The following FBXO38 variants were observed in gnomAD, a reference collection of about 807,000 sequenced individuals.
FBXO38 encodes F-box only protein 38.
A neutral mutation model predicts 131.9 loss-of-function variants in FBXO38; 53 were observed. The observed-to-expected ratio is 0.40, with a 90% CI of 0.32 to 0.51. FBXO38 has a LOEUF of 0.51. Among genes scored for constraint, FBXO38 ranks in the 20% least tolerant of loss-of-function variants. FBXO38 has a pLI of 0.53. For missense variants in FBXO38, 1,076 were observed against 1,475.6 expected, an observed-to-expected ratio of 0.73 and a Z score of 4.44; for synonymous variants, 452 against 505.6, an observed-to-expected ratio of 0.89 and a Z score of 1.42.
In FBXO38 at chr5:148,399,441, T is replaced by G. The variant is rs188947176; in HGVS notation, c.262+309T>G. On this transcript the variant is annotated intron_variant, in intron 3 of 21. Coordinates refer to ENST00000340253, the MANE Select transcript of FBXO38 (RefSeq NM_205836.3). Reference sequence around the variant, plus strand: ...AGTATATGTGTATCACATTAGACACTGTGTGTCCTTTACTGTCTGATGCAT... The same window carrying G: ...AGTATATGTGTATCACATTAGACACGGTGTGTCCTTTACTGTCTGATGCAT... 2.2e-4 allele frequency: 52 copies of G among 240,110 alleles called. No individual in the cohort carries two copies. The East Asian group carries it at 4.7e-3, about 22-fold the overall frequency. The allele number at this position is 240,110 out of a possible 1,614,324, so 14.9% of individuals were successfully genotyped here.
chr5:148,413,096 T>G (rs1478697941), intron 9 of FBXO38: 2 of 152,126 alleles, frequency 1.3e-5, no homozygotes, highest in Non-Finnish European at 1.5e-5. Context: ...TCTGAAGTCC[T>G]AAGAGCAGGG....
chr5:148,427,767 T>A lies in FBXO38; in HGVS notation c.2473T>A (p.Ser825Thr). The change falls in exon 15 of 22, where the codon TCT (serine) becomes ACT (threonine). Residue 825 changes from serine to threonine, a missense_variant. Physicochemically the swap from Ser to Thr is moderately conservative, Grantham distance 58. Coordinates refer to ENST00000340253, the MANE Select transcript of FBXO38 (RefSeq NM_205836.3). ...FSFRTLPQGG[S>T]SGPAHDERTN... ...CTTTAGGACTCTGCCACAAGGGGGG[T>A]CTTCAGGCCCAGCACATGATGAGAG... 2 of 1,610,202 alleles carry A rather than the reference T, an allele frequency of 1.2e-6. No individual in the cohort carries two copies.
Position 148,404,789 on chromosome 5 carries a change from A to G in FBXO38, c.697A>G (p.Ser233Gly), listed in dbSNP as rs1376854555. The change falls in exon 6 of 22, where the codon AGC becomes GGC. Residue 233 changes from serine to glycine, a missense_variant. By Grantham distance (56) the Ser-to-Gly change is moderately conservative. Transcript: ENST00000340253. ...PQPFKDFLCI[S>G]LRTFVMRNCA... ...GCCATTTAAAGACTTCCTTTGTATC[A>G]GCTTAAGAACTTTCGTCATGAGGAA... is the stretch of plus-strand genomic sequence containing the variant. The G allele has an allele frequency of 6.2e-7, 1 of 1,608,120 alleles. No individual in the cohort carries two copies. The highest frequency in any genetic ancestry group is 1.1e-5 in the South Asian group (1 of 89,470).
chr5:148,440,993 G>T lies in FBXO38; in HGVS notation c.3275-131G>T, dbSNP rs1397795706. ...ACAGAAATTACAAATTAGTTTGATA[G>T]CTGGAAATGATTTGAGGACACCTGA... On this transcript the variant is annotated intron_variant, in intron 20 of 21. Transcript: ENST00000340253. 10 of 681,292 alleles carry T rather than the reference G, an allele frequency of 1.5e-5. No homozygotes were observed. The East Asian group carries it at 2.7e-4, about 18-fold the overall frequency. The allele number at this position is 681,292 out of a possible 1,614,324, so 42.2% of individuals were successfully genotyped here. A position where few individuals can be genotyped will look rare whatever the true frequency, so the allele number is the denominator to read the frequency against.
At chr5:148,436,590 T>TAA (rs35548425) in intron 17 of FBXO38, among the ~76,000 whole-genome samples, 53,708 of 151,910 alleles carry the variant, frequency 0.35, 10,100 homozygotes, top group East Asian at 0.58. Context: ...CAAAAAATAT[T>TAA]GAGGTCTATT....
At chr5:148,430,532 T>TGTTGGTCAG (rs1188081567) in intron 15 of FBXO38, 2 of 151,986 alleles carry the variant, frequency 1.3e-5, no homozygotes, top group East Asian at 3.9e-4. Flanking sequence ...GGTTTCACCA[T>TGTTGGTCAG]GTTGGTCAGG....
rs1192034945 is a variant in FBXO38 at position 148,427,957 on chromosome 5, T to C, written c.2653+10T>C. 2 of 1,500,276 alleles carry C rather than the reference T, an allele frequency of 1.3e-6. No individual in the cohort carries two copies. The highest frequency in any genetic ancestry group is 1.9e-4 in the Middle Eastern group (1 of 5,376). The allele number at this position is 1,500,276 out of a possible 1,614,324, so 92.9% of individuals were successfully genotyped here. On this transcript the variant is annotated intron_variant, in intron 15 of 21. Transcript: ENST00000340253. ...CTGGTATCTGAGTCAGGTATGACAA[T>C]GCTCCTAGGATTAGCAACTGCAGGG...
At chr5:148,406,904 A>G (rs1400789186) in intron 7 of FBXO38, among the ~76,000 whole-genome samples, 2 of 152,230 alleles carry the variant, frequency 1.3e-5, no homozygotes, top group African/African-American at 2.4e-5. Context: ...ACTTAACTAT[A>G]GATAAATAAT....
chr5:148,425,057 A>C lies in FBXO38; in HGVS notation c.1739-465A>C, dbSNP rs1165447072. Among the ~76,000 whole-genome samples, 3 of 152,360 alleles carry C rather than the reference A, an allele frequency of 2.0e-5. No homozygotes were observed. In the East Asian group the frequency reaches 5.8e-4, roughly 29 times the overall value. ...CTGCTACATCTAATGAGATAGATCT[A>C]TACTCAAAGAATATGGAGTCTTATT... On this transcript the variant is annotated intron_variant, in intron 13 of 21. Transcript: ENST00000340253.
chr5:148,438,008 T>C (rs867171304), intron 17 of FBXO38, among the ~76,000 whole-genome samples: 1 of 152,216 alleles, frequency 6.6e-6, no homozygotes, highest in African/African-American at 2.4e-5. Flanking sequence ...CAGGTCTGAC[T>C]ATTGACTATA....
At chr5:148,427,998 G>T in intron 15 of FBXO38, 51 bp downstream of exon 15, 1 of 1,423,002 alleles carries the variant, frequency 7.0e-7, no homozygotes, top group Non-Finnish European at 9.2e-7. Context: ...CTGCAGAAAG[G>T]CATGAACTTG....
intron 7 of FBXO38, among the ~76,000 whole-genome samples, chr5:148,407,700 G>A (rs934730128): frequency 6.6e-6 from 1 of 151,918 alleles, no homozygotes; most frequent in Non-Finnish European, 1.5e-5. Flanking sequence ...CGAGGCGGGC[G>A]GATCATGAGG....
At position 148,416,069 on chromosome 5, in the gene FBXO38, A is replaced by G; in HGVS notation, c.1406A>G (p.Lys469Arg). ...GATCAGATGTTTCGTGAACCACCCA[A>G]GGTAAGATACATTTGAGGGAGTTTT... ...SLDQMFREPP[K>R]GCARVGLSAG... The change falls in exon 11 of 22, where the codon AAG becomes AGG. Residue 469 changes from lysine to arginine, a missense_variant and splice_region_variant. By Grantham distance (26) the Lys-to-Arg change is conservative. Coordinates refer to ENST00000340253, the MANE Select transcript of FBXO38 (RefSeq NM_205836.3). 6.4e-7 allele frequency: 1 copy of G among 1,556,786 alleles called. No individual in the cohort carries two copies. The highest frequency in any genetic ancestry group is 8.7e-7 in the Non-Finnish European group (1 of 1,149,908).
chr5:148,439,927 CG>C (rs1673957843), intron 19 of FBXO38, 135 bp downstream of exon 19: 2 of 830,366 alleles, frequency 2.4e-6, no homozygotes. Flanking sequence ...CTGAAGTTAA[CG>C]TAAGTAAGAA....
chr5:148,394,858 G>T lies in FBXO38; in HGVS notation c.82G>T (p.Asp28Tyr). Residue 28 changes from aspartate (D) to tyrosine (Y), a missense_variant, in exon 2 of 22, where the codon GAC becomes TAC. Coordinates refer to ENST00000340253, the MANE Select transcript of FBXO38 (RefSeq NM_205836.3). ...AGAAATGACAGCAGATGAAACAAAG[G>T]ACTATATGAATCAACTTTCACATGA... is the stretch of plus-strand genomic sequence containing the variant. ...PEEMTADETK[D>Y]YMNQLSHEVL... The T allele has an allele frequency of 5.0e-6, 8 of 1,600,260 alleles. No homozygotes were observed. The highest frequency in any genetic ancestry group is 6.8e-6 in the Non-Finnish European group (8 of 1,173,968).
At chr5:148,415,836 G>T (rs1259864997) in intron 10 of FBXO38, 92 bp from the exon 11 acceptor site, 26 of 1,317,834 alleles carry the variant, frequency 2.0e-5, no homozygotes, top group South Asian at 1.3e-5. Context: ...TAAAAAAAAG[G>T]ATTTGAAAGT....
At chr5:148,423,901 C>A (rs570743070) in intron 12 of FBXO38, 97 bp from the exon 13 acceptor site, 1 of 1,078,170 alleles carries the variant, frequency 9.3e-7, no homozygotes, top group Non-Finnish European at 1.3e-6. Context: ...TAGTAATCAG[C>A]GGGACTGTTC....
intron 2 of FBXO38, among the ~76,000 whole-genome samples, chr5:148,398,592 C>T (rs546271925): frequency 3.0e-4 from 46 of 151,868 alleles, no homozygotes; most frequent in African/African-American, 9.9e-4. Context: ...GTAAAAGATA[C>T]GAAATAATAT....
At chr5:148,435,183 G>A (rs1465758568) in intron 17 of FBXO38, 1 of 152,240 alleles carries the variant, frequency 6.6e-6, no homozygotes, top group Non-Finnish European at 1.5e-5. Flanking sequence ...TTTTGCTGGT[G>A]GAGAGTATTG....
Sources: allele counts gnomAD v4.1 joint callset (sites outside exome capture counted in the v4.1 genomes callset), GRCh38; gene constraint gnomAD v4.1.1; transcripts MANE v1.5; gene names NCBI Gene and HGNC (gene_info 2026-07-23, HGNC 2026-07-21).